Variants in SEPTIN6 observed in about 807,000 individuals in gnomAD.
SEPTIN6 encodes septin 6, also known as septin-6.
In SEPTIN6, 8 loss-of-function variants were observed where a neutral mutation model predicts 33.6. The observed-to-expected ratio is 0.24, with a 90% confidence interval of 0.14 to 0.43. The LOEUF (loss-of-function observed/expected upper bound fraction) is 0.43, where lower values mean the gene tolerates loss of function less well. SEPTIN6 is among the 20% of genes least tolerant of loss of function. The probability of loss-of-function intolerance (pLI) is 1.00; values close to 1 mark genes in which losing one functional copy is unlikely to be tolerated. For synonymous variants in SEPTIN6, 131 were observed against 140.0 expected, an observed-to-expected ratio of 0.94 and a Z score of 0.45; for missense variants, 250 against 340.8, an observed-to-expected ratio of 0.73 and a Z score of 2.10.
At chrX:119,660,354 A>G (rs987805998) in intron 3 of SEPTIN6, among the ~76,000 whole-genome samples, 2 of 112,642 alleles carry the variant, frequency 1.8e-5, no homozygotes, top group Non-Finnish European at 3.7e-5. Context: ...TTTTTATTAC[A>G]GATCCCTGGA....
chrX:119,656,683 C>T (rs1324262283), intron 3 of SEPTIN6, among the ~76,000 whole-genome samples: 2 of 111,437 alleles, frequency 1.8e-5, no homozygotes, highest in Non-Finnish European at 3.8e-5. Flanking sequence ...GTCAGGAGTT[C>T]GAGACCAGCC....
At chrX:119,654,545 G>C in intron 3 of SEPTIN6, among the ~76,000 whole-genome samples, 1 of 111,512 alleles carries the variant, frequency 9.0e-6, no homozygotes, top group South Asian at 3.8e-4. Flanking sequence ...CCTCCCACCT[G>C]CAGCAGCTCC....
At position 119,659,473 on chromosome X, in the gene SEPTIN6, G is replaced by A. The variant is rs185486592; in HGVS notation, c.341+4009C>T. 1.4e-4 allele frequency among the ~76,000 whole-genome samples: 16 copies of A among 111,594 alleles called. No homozygotes were observed. The East Asian group carries it at 4.5e-3, about 31-fold the overall frequency. On this transcript the variant is annotated intron_variant, in intron 3 of 10. Transcript: ENST00000394610. Reference sequence around the variant, plus strand: ...ATATTTTGCAGTTCTCGTCTTCCTGGATACCATGTATCATTCCTTCCCATA... The same window carrying A: ...ATATTTTGCAGTTCTCGTCTTCCTGAATACCATGTATCATTCCTTCCCATA...
At chrX:119,632,923 C>T (rs748941739) in intron 8 of SEPTIN6, among the ~76,000 whole-genome samples, 4 of 112,860 alleles carry the variant, frequency 3.5e-5, no homozygotes, top group East Asian at 2.8e-4. Flanking sequence ...CCACAGTGTC[C>T]GGCCCAATGT....
At chrX:119,692,803 G>A (rs2055199851) in intron 1 of SEPTIN6, among the ~76,000 whole-genome samples, 1 of 112,456 alleles carries the variant, frequency 8.9e-6, no homozygotes, top group Non-Finnish European at 1.9e-5. Context: ...GGAGGCGGTG[G>A]CGCTCACTGC....
chrX:119,691,367 A>G (rs2055169563), intron 1 of SEPTIN6, among the ~76,000 whole-genome samples: 2 of 112,344 alleles, frequency 1.8e-5, no homozygotes, highest in Non-Finnish European at 1.9e-5. Flanking sequence ...GAGCTAGTGT[A>G]ATCCCAGAGA....
chrX:119,631,556 A>G (rs145765230), intron 8 of SEPTIN6, among the ~76,000 whole-genome samples: 267 of 109,120 alleles, frequency 2.4e-3, no homozygotes, highest in African/African-American at 8.4e-3. Flanking sequence ...ACTTTTATTC[A>G]TTTGTCTTTG....
chrX:119,630,548 A>C (rs2053939773), intron 8 of SEPTIN6, among the ~76,000 whole-genome samples: 1 of 112,095 alleles, frequency 8.9e-6, no homozygotes, highest in South Asian at 3.7e-4. Flanking sequence ...CAGAAACCCA[A>C]AGAAGAACAA....
chrX:119,617,622 A>C lies in SEPTIN6; in HGVS notation c.*2471T>G. The C allele has an allele frequency of 1.1e-5, 9 of 803,929 alleles. No homozygotes were observed. Among genetic ancestry groups the C allele is most frequent in the Non-Finnish European group, 1.3e-5 (9 of 669,305 alleles). The allele number at this position is 803,929 out of a possible 1,213,427, so 66.3% of individuals were successfully genotyped here. ...TACTAACTAGTCAGTTACTCTGAAC[A>C]TCAAAAGACCTCGTATCCAGGAATG... On this transcript the variant is annotated 3_prime_UTR_variant, in exon 11 of 11. Transcript: ENST00000394610.
rs1043482577 is a variant in SEPTIN6, at chrX:119,618,377, C to G, written c.*1716G>C. On this transcript the variant is annotated 3_prime_UTR_variant, in exon 11 of 11. Transcript: ENST00000394610. ...TCTTGCTTTGTCAACAAGAAAAGTG[C>G]GTGCATATGTTTGCTTTTCATTTTT... is the stretch of plus-strand genomic sequence containing the variant. 1.2e-6 allele frequency: 1 copy of G among 820,663 alleles called. No individual in the cohort carries two copies. The highest frequency in any genetic ancestry group is 1.5e-6 in the Non-Finnish European group (1 of 682,065). The allele number at this position is 820,663 out of a possible 1,213,427, so 67.6% of individuals were successfully genotyped here. A position where few individuals can be genotyped will look rare whatever the true frequency, so the allele number is the denominator to read the frequency against.
At position 119,673,855 on chromosome X, in the gene SEPTIN6, A is replaced by G. The variant is rs1238691693; in HGVS notation, c.145+1699T>C. 6.5e-5 allele frequency among the ~76,000 whole-genome samples: 7 copies of G among 108,313 alleles called. No homozygotes were observed. The East Asian group carries it at 2.0e-3, about 31-fold the overall frequency. 94.1% of individuals were successfully genotyped at this position (108,313 alleles called of 115,157 possible). A position where few individuals can be genotyped will look rare whatever the true frequency, so the allele number is the denominator to read the frequency against. ...AGACTCTGTCTCAAAAAAAAAAAAA[A>G]AAAAAAGAAAGAAAGAAAAGAAAAG... On this transcript the variant is annotated intron_variant, in intron 2 of 10. Coordinates refer to ENST00000394610, the MANE Select transcript of SEPTIN6 (RefSeq NM_145799.4).
chrX:119,630,778 A>T (rs1356396637), intron 8 of SEPTIN6, among the ~76,000 whole-genome samples: 2 of 110,676 alleles, frequency 1.8e-5, no homozygotes, highest in Non-Finnish European at 3.8e-5. Context: ...CTATAATCCC[A>T]GCTACTTGGG....
intron 1 of SEPTIN6, among the ~76,000 whole-genome samples, chrX:119,687,925 C>A (rs2055087456): frequency 8.9e-6 from 1 of 112,191 alleles, no homozygotes; most frequent in Non-Finnish European, 1.9e-5. Context: ...AAGAACACCG[C>A]TAACACTCAC....
chrX:119,664,679 A>G (rs985887028), intron 2 of SEPTIN6, among the ~76,000 whole-genome samples: 6 of 107,686 alleles, frequency 5.6e-5, no homozygotes, highest in African/African-American at 2.0e-4. Flanking sequence ...AAATATATAT[A>G]TACATACACA....
At chrX:119,670,409 A>C (rs2054722491) in intron 2 of SEPTIN6, among the ~76,000 whole-genome samples, 2 of 106,978 alleles carry the variant, frequency 1.9e-5, no homozygotes, top group African/African-American at 6.8e-5. Flanking sequence ...AATACAAAAT[A>C]AATCAGCTGG....
Position 119,675,543 on chromosome X carries a change from G to A in SEPTIN6, c.145+11C>T. On this transcript the variant is annotated intron_variant, in intron 2 of 10. Transcript: ENST00000394610. ...TTCTGTAATAGAATTTCCTGCTATG[G>A]AAATACTCACCCACGCACAGGATGT... is the stretch of plus-strand genomic sequence containing the variant. The A allele has an allele frequency of 9.5e-7, 1 of 1,051,798 alleles. No homozygotes were observed. The highest frequency in any genetic ancestry group is 1.9e-5 in the African/African-American group (1 of 52,954). 86.7% of individuals were successfully genotyped at this position (1,051,798 alleles called of 1,213,427 possible).
intron 3 of SEPTIN6, among the ~76,000 whole-genome samples, chrX:119,656,578 A>G (rs1261514709): frequency 3.5e-5 from 4 of 112,789 alleles, no homozygotes. Flanking sequence ...ATGTCCATCA[A>G]CTGATGACCG....
At chrX:119,677,140 G>A (rs1328897123) in intron 1 of SEPTIN6, among the ~76,000 whole-genome samples, 2 of 111,925 alleles carry the variant, frequency 1.8e-5, no homozygotes, top group Non-Finnish European at 3.8e-5. Flanking sequence ...GGCTCCCTAT[G>A]GCTACAAGAA....
intron 10 of SEPTIN6, among the ~76,000 whole-genome samples, chrX:119,624,778 C>T (rs376777291): frequency 9.0e-6 from 1 of 111,430 alleles, no homozygotes; most frequent in East Asian, 2.8e-4. Flanking sequence ...GGTGCAATCT[C>T]GGCTCACTGC....
Sources: allele counts gnomAD v4.1 joint callset (sites outside exome capture counted in the v4.1 genomes callset), GRCh38; gene constraint gnomAD v4.1.1; transcripts MANE v1.5; gene names NCBI Gene and HGNC (gene_info 2026-07-23, HGNC 2026-07-21).